ZNF184: variants seen among roughly 807,000 people sequenced by gnomAD.
The protein encoded by ZNF184 is zinc finger protein 184 (Kruppel-like).
A neutral mutation model predicts 54.4 loss-of-function variants in ZNF184; 16 were observed. The ratio of observed to expected loss-of-function variants is 0.29; its 90% confidence interval spans 0.20 to 0.45. ZNF184 has a LOEUF of 0.45. Among genes scored for constraint, ZNF184 ranks in the 20% least tolerant of loss-of-function variants. The pLI, the probability that ZNF184 is intolerant of heterozygous loss-of-function variation, is 1.00. For synonymous variants in ZNF184, 254 were observed against 295.3 expected, an observed-to-expected ratio of 0.86 and a Z score of 1.43; for missense variants, 681 against 888.2, an observed-to-expected ratio of 0.77 and a Z score of 2.97.
chr6:27,439,061 T>C, the ZNF184 span, among the ~76,000 whole-genome samples: 2 of 152,206 alleles, frequency 1.3e-5, no homozygotes, highest in Admixed American at 6.5e-5. Context: ...GAGTGTAGTA[T>C]GCAGATCAGC....
At chr6:27,461,782 T>A (rs1361592671) in intron 3 of ZNF184, among the ~76,000 whole-genome samples, 2 of 152,046 alleles carry the variant, frequency 1.3e-5, no homozygotes, top group African/African-American at 4.8e-5. Context: ...ACTCAAGAGA[T>A]AGAGCTGAGA....
the ZNF184 span, among the ~76,000 whole-genome samples, chr6:27,407,337 C>G: frequency 6.6e-6 from 1 of 152,246 alleles, no homozygotes; most frequent in African/African-American, 2.4e-5. Context: ...GAGCCAGCTG[C>G]TCCCACACAC....
the ZNF184 span, among the ~76,000 whole-genome samples, chr6:27,441,016 T>C: frequency 6.6e-6 from 1 of 151,358 alleles, no homozygotes; most frequent in Non-Finnish European, 1.5e-5. Flanking sequence ...AAAAAATAAA[T>C]AAATAAAATA....
chr6:27,465,169 AAAAAGAAAAG>A (rs756821117), intron 3 of ZNF184, among the ~76,000 whole-genome samples: 5 of 148,458 alleles, frequency 3.4e-5, no homozygotes, highest in South Asian at 4.2e-4. Flanking sequence ...TATTTAAAAA[AAAAAGAAAAG>A]AAAAGAAAAG....
chr6:27,442,858 GAAAGAAAGAAAGAAAGAAAGAA>G, the ZNF184 span, among the ~76,000 whole-genome samples: 7,763 of 67,944 alleles, frequency 0.11, 1,425 homozygotes, highest in Middle Eastern at 0.27. Context: ...AAGAAAGAAA[GAAAGAAAGAAAGAAAGAAAGAA>G]AAAGAAAAAA....
At chr6:27,430,525 G>C in the ZNF184 span, among the ~76,000 whole-genome samples, 1 of 152,164 alleles carries the variant, frequency 6.6e-6, no homozygotes, top group African/African-American at 2.4e-5. Flanking sequence ...AGAGAGATTT[G>C]CTGACAGACA....
Position 27,457,509 on chromosome 6 carries a change from T to A in ZNF184, c.76-100A>T. The A allele has an allele frequency of 7.8e-7, 1 of 1,290,100 alleles. No individual in the cohort carries two copies. 79.9% of individuals were successfully genotyped at this position (1,290,100 alleles called of 1,614,324 possible). On this transcript the variant is annotated intron_variant, in intron 3 of 5. Transcript: ENST00000683788. ...GAAGTAAGGCAGTCTATAGGATGTC[T>A]GCAAAATAATCTTGACATTTTCTCC...
the ZNF184 span, among the ~76,000 whole-genome samples, chr6:27,423,138 C>T: frequency 6.6e-6 from 1 of 152,230 alleles, no homozygotes; most frequent in African/African-American, 2.4e-5. Flanking sequence ...CTACAATTCC[C>T]AGAAATCTCC....
intron 5 of ZNF184, among the ~76,000 whole-genome samples, chr6:27,454,390 A>G (rs1272694689): frequency 6.6e-6 from 1 of 152,212 alleles, no homozygotes; most frequent in African/African-American, 2.4e-5. Context: ...GCAGCCTCAC[A>G]GCAGTAGAAT....
chr6:27,446,892 C>T (rs1353285732), downstream of ZNF184, among the ~76,000 whole-genome samples: 1 of 152,060 alleles, frequency 6.6e-6, no homozygotes, highest in African/African-American at 2.4e-5. Flanking sequence ...TGCCTGTAAT[C>T]CCAGCATTTT....
At chr6:27,469,652 A>C (rs1385904294) in intron 2 of ZNF184, among the ~76,000 whole-genome samples, 10 of 152,172 alleles carry the variant, frequency 6.6e-5, no homozygotes, top group African/African-American at 1.7e-4. Flanking sequence ...AAAACAAAAA[A>C]AAAAAATTTG....
the ZNF184 span, chr6:27,407,902 A>T: frequency 5.5e-5 from 53 of 956,194 alleles, no homozygotes; most frequent in African/African-American, 5.6e-4. Flanking sequence ...AGTGAAGATG[A>T]GCTGATTAAC....
At chr6:27,463,098 G>A (rs1763039579) in intron 3 of ZNF184, among the ~76,000 whole-genome samples, 1 of 131,028 alleles carries the variant, frequency 7.6e-6, no homozygotes, top group African/African-American at 2.9e-5. Flanking sequence ...ACACAGGAAG[G>A]GGAACATCAC....
chr6:27,468,466 G>A (rs12213598), intron 2 of ZNF184, among the ~76,000 whole-genome samples: 99,056 of 151,956 alleles, frequency 0.65, 32,583 homozygotes, highest in Middle Eastern at 0.76. Flanking sequence ...ATGAAAACTG[G>A]TAGTTTATAC....
Position 27,453,187 on chromosome 6 carries a change from C to T in ZNF184, c.372G>A (p.Glu124=), listed in dbSNP as rs776931273. 1.2e-6 allele frequency: 2 copies of T among 1,613,756 alleles called. No individual in the cohort carries two copies. The highest frequency in any genetic ancestry group is 2.7e-5 in the African/African-American group (2 of 74,896). Residue 124 remains glutamate (E), a synonymous_variant, in exon 6 of 6, where the codon GAG becomes GAA. Transcript: ENST00000683788. The surrounding 1 kb of genome is among the most constrained non-coding windows in gnomAD (Gnocchi z 4.7). ...PDISEEELSP[E]VIVEKHKRDD... is the part of the protein sequence containing the mutation. ...CTCTTTTGTGTTTTTCCACTATTAC[C>T]TCTGGAGATAGCTCTTCTTCAGAAA...
chr6:27,414,051 C>G, the ZNF184 span, among the ~76,000 whole-genome samples: 154 of 152,306 alleles, frequency 1.0e-3, no homozygotes, highest in Non-Finnish European at 1.9e-3. Context: ...ATAATTTCCT[C>G]ACAACTTCAT....
Position 27,451,786 on chromosome 6 carries a change from A to G in ZNF184, c.1773T>C (p.Cys591=). The part of the protein sequence containing the change: ...TGERPYKCNE[C]GRAFNQNIHL... ...GTATGTTCTGGTTGAATGCTCTCCC[A>G]CACTCATTACACTTGTAAGGTCGTT... is the stretch of plus-strand genomic sequence containing the variant. The change falls in exon 6 of 6, where the codon TGT becomes TGC. Residue 591 remains cysteine (C), a synonymous_variant. Coordinates refer to ENST00000683788, the MANE Select transcript of ZNF184 (RefSeq NM_001318891.2). 1 of 1,613,958 alleles carries G rather than the reference A, an allele frequency of 6.2e-7. No individual in the cohort carries two copies. The highest frequency in any genetic ancestry group is 8.5e-7 in the Non-Finnish European group (1 of 1,180,000).
chr6:27,428,733 A>G, the ZNF184 span, among the ~76,000 whole-genome samples: 1 of 152,248 alleles, frequency 6.6e-6, no homozygotes, highest in African/African-American at 2.4e-5. The surrounding 1 kb of genome is among the most constrained non-coding windows in gnomAD (Gnocchi z 4.1). Context: ...TTTCTGTGGT[A>G]CTACTAACCA....
the ZNF184 span, among the ~76,000 whole-genome samples, chr6:27,420,574 A>G: frequency 6.6e-6 from 1 of 152,208 alleles, no homozygotes. Context: ...TCAGGGGAAT[A>G]TAAATTAAAA....
Sources: gnomAD v4.1 joint callset for allele counts (sites outside exome capture counted in the v4.1 genomes callset) on GRCh38, gnomAD v4.1.1 for gene constraint, Gnocchi (gnomAD v3.1) non-coding constraint, MANE v1.5 for transcripts, NCBI Gene and HGNC (gene_info 2026-07-23, HGNC 2026-07-21) for gene names.